The following DAB1 variants were observed in gnomAD, a reference collection of about 807,000 sequenced individuals.
DAB1 encodes disabled homolog 1.
DAB1 carries 15 observed loss-of-function variants against 64.6 expected under a neutral mutation model. The ratio of observed to expected loss-of-function variants is 0.23; its 90% CI spans 0.16 to 0.36. DAB1 has a LOEUF of 0.36. Among genes scored for constraint, DAB1 ranks in the 10% least tolerant of loss-of-function variants. The pLI is 1.00. For synonymous variants in DAB1, 235 were observed against 251.9 expected, an observed-to-expected ratio of 0.93 and a Z score of 0.64; for missense variants, 596 against 706.7, an observed-to-expected ratio of 0.84 and a Z score of 1.78.
intron 1 of DAB1, among the ~76,000 whole-genome samples, chr1:57,421,625 T>C (rs1367943930): frequency 6.6e-6 from 1 of 152,084 alleles, no homozygotes; most frequent in Non-Finnish European, 1.5e-5. Flanking sequence ...CCACTGCATT[T>C]TGAACTTCCT....
intron 3 of DAB1, among the ~76,000 whole-genome samples, chr1:58,460,459 A>G (rs1030424781): frequency 5.3e-5 from 8 of 152,170 alleles, no homozygotes; most frequent in African/African-American, 1.9e-4. Context: ...CCAAAATTGC[A>G]TTGTTTTTTA....
chr1:57,627,881 C>T (rs1041870905), intron 7 of DAB1, among the ~76,000 whole-genome samples: 1 of 152,096 alleles, frequency 6.6e-6, no homozygotes, highest in South Asian at 2.1e-4. Context: ...GTCTCAGTGC[C>T]TAGTCCTTCC....
At chr1:58,074,523 C>CACATATATATATGTGTGTAT (rs1649473508) in intron 5 of DAB1, 1 of 84,144 alleles carries the variant, frequency 1.2e-5, no homozygotes, top group Non-Finnish European at 2.4e-5. Flanking sequence ...AATATATATA[C>CACATATATATATGTGTGTAT]ATATATATAT....
chr1:57,060,294 G>T (rs1650257464), intron 9 of DAB1, among the ~76,000 whole-genome samples: 1 of 151,910 alleles, frequency 6.6e-6, no homozygotes, highest in African/African-American at 2.4e-5. Flanking sequence ...GGGATTACAG[G>T]CATGCCTCAC....
chr1:58,526,887 C>T (rs1204431959), intron 2 of DAB1, among the ~76,000 whole-genome samples: 1 of 152,130 alleles, frequency 6.6e-6, no homozygotes, highest in Non-Finnish European at 1.5e-5. Flanking sequence ...GAGGGGATGA[C>T]ACATTACATA....
At chr1:57,559,015 C>T (rs1645021588) in intron 7 of DAB1, among the ~76,000 whole-genome samples, 1 of 152,158 alleles carries the variant, frequency 6.6e-6, no homozygotes, top group Admixed American at 6.5e-5. Context: ...CAAAGTAACT[C>T]AGCTACAAAA....
At chr1:57,049,500 A>ATGCATG (rs199857514) in intron 9 of DAB1, among the ~76,000 whole-genome samples, 1,768 of 127,764 alleles carry the variant, frequency 0.014, 22 homozygotes, top group Middle Eastern at 0.023. Context: ...GGAAATTCCC[A>ATGCATG]TGCATGTAAC....
At chr1:58,315,177 C>T (rs141119933) in intron 4 of DAB1, among the ~76,000 whole-genome samples, 2 of 152,168 alleles carry the variant, frequency 1.3e-5, no homozygotes, top group East Asian at 1.9e-4. Flanking sequence ...GTAGCCTTGT[C>T]TCATTGCACA....
At chr1:58,355,767 G>A (rs1644104883) in intron 3 of DAB1, among the ~76,000 whole-genome samples, 1 of 152,084 alleles carries the variant, frequency 6.6e-6, no homozygotes, top group African/African-American at 2.4e-5. Flanking sequence ...CTCTTTTCTT[G>A]ACTAACTTTA....
chr1:58,177,559 T>C (rs748614988), intron 4 of DAB1, among the ~76,000 whole-genome samples: 2 of 151,424 alleles, frequency 1.3e-5, no homozygotes, highest in Non-Finnish European at 2.9e-5. Flanking sequence ...TAGGAGAGAG[T>C]TGAGGGACTA....
chr1:58,175,942 A>G (rs1250365035), intron 4 of DAB1, among the ~76,000 whole-genome samples: 1 of 152,238 alleles, frequency 6.6e-6, no homozygotes, highest in South Asian at 2.1e-4. Context: ...GGAAGCATTC[A>G]CATAGAAATC....
Position 57,368,138 on chromosome 1 carries a change from C to T in DAB1, c.-137+55792G>A, listed in dbSNP as rs374964805. Among the ~76,000 whole-genome samples, 5 of 152,334 alleles carry T rather than the reference C, an allele frequency of 3.3e-5. No homozygotes were observed. In the East Asian group the frequency reaches 5.8e-4, roughly 18 times the overall value. ...CTCAGGGCACTGTTGACATGTCAGG[C>T]CCCTGACACCTCAGCCCCCTTCTGG... On this transcript the variant is annotated intron_variant, in intron 1 of 14. Transcript: ENST00000371236.
At chr1:58,232,849 C>T (rs1659845465) in intron 4 of DAB1, among the ~76,000 whole-genome samples, 2 of 152,166 alleles carry the variant, frequency 1.3e-5, no homozygotes, top group South Asian at 4.1e-4. Context: ...TGACCATTCA[C>T]ATATAAATAG....
At chr1:57,076,125 A>G (rs1363691696) in intron 4 of DAB1, among the ~76,000 whole-genome samples, 1 of 152,146 alleles carries the variant, frequency 6.6e-6, no homozygotes, top group East Asian at 1.9e-4. Flanking sequence ...CAGAGGCAGA[A>G]AGGTGAGGCA....
intron 2 of DAB1, among the ~76,000 whole-genome samples, chr1:57,198,647 T>TCCCACACA (rs576896744): frequency 8.9e-6 from 1 of 112,850 alleles, no homozygotes; most frequent in Non-Finnish European, 2.0e-5. Flanking sequence ...ATCTTCTCTC[T>TCCCACACA]CTCACACACA....
At chr1:58,379,342 C>G (rs1644367059) in intron 3 of DAB1, among the ~76,000 whole-genome samples, 1 of 152,144 alleles carries the variant, frequency 6.6e-6, no homozygotes, top group Non-Finnish European at 1.5e-5. Context: ...GTAGCAATAC[C>G]ACATACTACT....
chr1:57,904,699 G>C (rs1644525745), intron 5 of DAB1, among the ~76,000 whole-genome samples: 1 of 152,190 alleles, frequency 6.6e-6, no homozygotes, highest in African/African-American at 2.4e-5. Context: ...GCAGAGGGAA[G>C]AACAAGGGCA....
intron 2 of DAB1, among the ~76,000 whole-genome samples, chr1:57,208,740 A>C (rs1254424545): frequency 6.6e-6 from 1 of 152,154 alleles, no homozygotes; most frequent in African/African-American, 2.4e-5. Context: ...TACATGATAC[A>C]CCTATTTATT....
intron 4 of DAB1, among the ~76,000 whole-genome samples, chr1:58,184,398 A>G (rs1472053144): frequency 6.6e-6 from 1 of 151,792 alleles, no homozygotes; most frequent in Non-Finnish European, 1.5e-5. Flanking sequence ...TACCTAGGAC[A>G]ATAACTCCTA....
Sources: allele counts gnomAD v4.1 joint callset (sites outside exome capture counted in the v4.1 genomes callset), GRCh38; gene constraint gnomAD v4.1.1; transcripts MANE v1.5; gene names NCBI Gene and HGNC (gene_info 2026-07-23, HGNC 2026-07-21).